Variants in PCDHGA2 observed in about 807,000 individuals in gnomAD.
PCDHGA2 encodes the protein protocadherin gamma-A2.
In PCDHGA2, 40 loss-of-function variants were observed where a neutral mutation model predicts 59.2. The observed-to-expected ratio is 0.68, with a 90% CI of 0.52 to 0.88. The LOEUF is 0.88. Ranked by LOEUF, PCDHGA2 falls within the 40% of genes least tolerant of loss-of-function variation. PCDHGA2 has a pLI of 0.00. For missense variants in PCDHGA2, 1,226 were observed against 1,204.0 expected (o/e 1.02, Z -0.27); for synonymous variants, 560 against 526.0 (o/e 1.06, Z -0.89).
At chr5:141,478,584 T>G in intron 1 of PCDHGA2, 1 of 1,577,982 alleles carries the variant, frequency 6.3e-7, no homozygotes, top group Non-Finnish European at 8.6e-7. Flanking sequence ...CTGTTAGTGC[T>G]TTTTTATTCC....
intron 1 of PCDHGA2, chr5:141,426,347 T>C (rs977411941): frequency 5.2e-6 from 1 of 193,980 alleles, no homozygotes; most frequent in African/African-American, 2.3e-5. Context: ...TTCCCTTTCC[T>C]GCTGCCTTTG....
At chr5:141,475,103 G>A (rs771784343) in intron 1 of PCDHGA2, among the ~76,000 whole-genome samples, 1 of 152,176 alleles carries the variant, frequency 6.6e-6, no homozygotes, top group Non-Finnish European at 1.5e-5. Flanking sequence ...AAGATCCTAG[G>A]TGGTAAATAG....
chr5:141,447,738 A>C (rs1365302023), intron 1 of PCDHGA2, among the ~76,000 whole-genome samples: 7 of 152,216 alleles, frequency 4.6e-5, no homozygotes, highest in Non-Finnish European at 8.8e-5. Context: ...ATTGAACTTA[A>C]GAGTCTTGCA....
intron 1 of PCDHGA2, chr5:141,417,979 G>C (rs2096202372): frequency 6.2e-7 from 1 of 1,613,752 alleles, no homozygotes; most frequent in Admixed American, 1.7e-5. Context: ...TTCCGGAGGA[G>C]CTGGCCAAGG....
At chr5:141,351,646 A>ACCTGGCG in intron 1 of PCDHGA2, 1 of 1,613,926 alleles carries the variant, frequency 6.2e-7, no homozygotes, top group Non-Finnish European at 8.5e-7. Context: ...AGAACAACCC[A>ACCTGGCG]CCTGGCGCCT....
intron 1 of PCDHGA2, among the ~76,000 whole-genome samples, chr5:141,474,234 T>C (rs1458919904): frequency 6.6e-6 from 1 of 152,204 alleles, no homozygotes; most frequent in Non-Finnish European, 1.5e-5. Flanking sequence ...TAAGTGATGC[T>C]GAATAGGGGA....
At chr5:141,419,052 C>A (rs1017300472) in intron 1 of PCDHGA2, 6 of 1,613,948 alleles carry the variant, frequency 3.7e-6, no homozygotes, top group East Asian at 2.2e-5. Context: ...CATTCTTCTT[C>A]TAATAATTAC....
At chr5:141,403,686 G>T in intron 1 of PCDHGA2, 1 of 1,613,824 alleles carries the variant, frequency 6.2e-7, no homozygotes, top group Non-Finnish European at 8.5e-7. Context: ...TTTGCTCAAC[G>T]GATTTACCGA....
At chr5:141,370,664 A>G (rs1369327412) in intron 1 of PCDHGA2, 3 of 1,613,920 alleles carry the variant, frequency 1.9e-6, no homozygotes, top group South Asian at 1.1e-5. Flanking sequence ...GCGACCGTAT[A>G]GACCGAGAGG....
At chr5:141,459,215 G>C (rs2098963353) in intron 1 of PCDHGA2, among the ~76,000 whole-genome samples, 1 of 152,112 alleles carries the variant, frequency 6.6e-6, no homozygotes, top group South Asian at 2.1e-4. Flanking sequence ...TACTTCTCCA[G>C]CTCCAGGCAA....
At position 141,489,220 on chromosome 5, in the gene PCDHGA2, C is replaced by T; in HGVS notation, c.2425-5587C>T. ...AGACAGGACAGCACAGACTTACTCT[C>T]CACAAAGGGACTTCTGGGTCATGGG... On this transcript the variant is annotated intron_variant, in intron 1 of 3. Transcript: ENST00000394576. This position sits in a 1 kb window ranked among gnomAD's most constrained non-coding sequence, Gnocchi z 4.5. The T allele has an allele frequency of 6.6e-7, 1 of 1,508,698 alleles. No homozygotes were observed. The highest frequency in any genetic ancestry group is 8.9e-7 in the Non-Finnish European group (1 of 1,122,110). The allele number at this position is 1,508,698 out of a possible 1,614,324, so 93.5% of individuals were successfully genotyped here.
chr5:141,399,972 G>A, intron 1 of PCDHGA2: 1 of 1,612,256 alleles, frequency 6.2e-7, no homozygotes. Flanking sequence ...TCTTCAGCCT[G>A]GGGCTGCGCA....
Position 141,432,488 on chromosome 5 carries a change from C to G in PCDHGA2, c.2425-62319C>G. 6.2e-7 allele frequency: 1 copy of G among 1,614,202 alleles called. No homozygotes were observed. Among genetic ancestry groups the G allele is most frequent in the Non-Finnish European group, 8.5e-7 (1 of 1,180,048 alleles). On this transcript the variant is annotated intron_variant, in intron 1 of 3. Coordinates refer to ENST00000394576, the MANE Select transcript of PCDHGA2 (RefSeq NM_018915.4). This position sits in a 1 kb window ranked among gnomAD's most constrained non-coding sequence, Gnocchi z 6.0. ...CACGGACGGTTCCACTGGCGTGGAGCTGGCTCCCCGCTCCGCAGAGCCCGG... is the reference window on the plus strand; with the variant it reads ...CACGGACGGTTCCACTGGCGTGGAGGTGGCTCCCCGCTCCGCAGAGCCCGG...
intron 1 of PCDHGA2, chr5:141,414,230 CCAT>C: frequency 6.2e-7 from 1 of 1,613,308 alleles, no homozygotes; most frequent in Non-Finnish European, 8.5e-7. Context: ...CCAGAGCTGA[CCAT>C]CACGTCTCTA....
intron 1 of PCDHGA2, chr5:141,375,537 C>T: frequency 6.2e-7 from 1 of 1,614,048 alleles, no homozygotes; most frequent in Non-Finnish European, 8.5e-7. Context: ...GACCAGAACG[C>T]CCAAGTCTCC....
chr5:141,352,786 T>C (rs1218044905), intron 1 of PCDHGA2: 1 of 1,064,362 alleles, frequency 9.4e-7, no homozygotes, highest in Non-Finnish European at 1.3e-6. Flanking sequence ...GGTCAGGAGT[T>C]TGAGACCAGC....
At chr5:141,360,342 C>A in intron 1 of PCDHGA2, 1 of 1,613,836 alleles carries the variant, frequency 6.2e-7, no homozygotes. Flanking sequence ...TGCGGGTTAG[C>A]GCGGAGAAGG....
At chr5:141,363,137 AT>A (rs1429876533) in intron 1 of PCDHGA2, among the ~76,000 whole-genome samples, 1 of 152,234 alleles carries the variant, frequency 6.6e-6, no homozygotes, top group Admixed American at 6.5e-5. Context: ...GAAAGAGTGC[AT>A]TTAACAAATG....
chr5:141,428,201 CT>C (rs1332694675), intron 1 of PCDHGA2: 1 of 1,349,696 alleles, frequency 7.4e-7, no homozygotes, highest in South Asian at 1.2e-5. Context: ...CTCTGCGCCG[CT>C]ACGCTTCACC....
Sources: allele counts gnomAD v4.1 joint callset (sites outside exome capture counted in the v4.1 genomes callset), GRCh38; gene constraint gnomAD v4.1.1; non-coding constraint Gnocchi (gnomAD v3.1); transcripts MANE v1.5; gene names NCBI Gene and HGNC (gene_info 2026-07-23, HGNC 2026-07-21).